The following FHIT variants were observed in gnomAD, a reference collection of about 807,000 sequenced individuals.
The protein encoded by FHIT is fragile histidine triad diadenosine triphosphatase, also known as bis(5'-adenosyl)-triphosphatase.
Under a neutral mutation model 17.9 loss-of-function variants are expected in FHIT, and 19 were observed. That is an observed-to-expected ratio of 1.06 (90% confidence interval 0.74 to 1.56). The LOEUF (loss-of-function observed/expected upper bound fraction) is 1.56. Ranked by LOEUF, FHIT falls within the 40% of genes most tolerant of loss-of-function variation. FHIT has a pLI of 0.00. For missense variants in FHIT, 248 were observed against 189.2 expected, an observed-to-expected ratio of 1.31 and a Z score of -1.82; for synonymous variants, 81 against 69.7, an observed-to-expected ratio of 1.16 and a Z score of -0.81.
At chr3:61,128,116 A>G (rs1259698190) in intron 2 of FHIT, among the ~76,000 whole-genome samples, 2 of 152,210 alleles carry the variant, frequency 1.3e-5, no homozygotes, top group Non-Finnish European at 2.9e-5. Context: ...GGATCTGAAG[A>G]GAAAAATCAG....
intron 5 of FHIT, among the ~76,000 whole-genome samples, chr3:60,498,361 A>C (rs575002336): frequency 6.6e-6 from 1 of 152,332 alleles, no homozygotes; most frequent in South Asian, 2.1e-4. Context: ...TCTTTCTGGA[A>C]GTATGTTATA....
intron 2 of FHIT, among the ~76,000 whole-genome samples, chr3:61,056,682 A>G (rs1174412186): frequency 6.6e-6 from 1 of 152,186 alleles, no homozygotes; most frequent in Non-Finnish European, 1.5e-5. Context: ...GGAAGGACAG[A>G]TGACCCACAC....
chr3:60,069,352 T>G lies in FHIT; in HGVS notation c.104-55200A>C, dbSNP rs183976313. Among the ~76,000 whole-genome samples the G allele has an allele frequency of 7.7e-4, 118 of 152,362 alleles. 1 individual carries two copies. The highest frequency in any genetic ancestry group is 2.6e-3 in the African/African-American group (107 of 41,590). Reference sequence around the variant, plus strand: ...ATGACAGTAAATTACAGGTTATGTATAGTTTAATCCCAACCTGTTACAATT... The same window carrying G: ...ATGACAGTAAATTACAGGTTATGTAGAGTTTAATCCCAACCTGTTACAATT... On this transcript the variant is annotated intron_variant, in intron 5 of 9. Transcript: ENST00000492590.
chr3:60,002,157 G>T (rs775721927), intron 7 of FHIT, among the ~76,000 whole-genome samples: 1 of 152,086 alleles, frequency 6.6e-6, no homozygotes, highest in Non-Finnish European at 1.5e-5. Context: ...TTCATGTAAC[G>T]TCAGGAACCA....
chr3:59,753,190 TAATGACAC>T (rs1248966598), intron 8 of FHIT, among the ~76,000 whole-genome samples: 1 of 152,102 alleles, frequency 6.6e-6, no homozygotes, highest in African/African-American at 2.4e-5. Context: ...AAATTTATGA[TAATGACAC>T]AAGGGCCATG....
At chr3:60,459,229 T>C (rs558593739) in intron 5 of FHIT, among the ~76,000 whole-genome samples, 6 of 152,208 alleles carry the variant, frequency 3.9e-5, no homozygotes, top group Non-Finnish European at 5.9e-5. Flanking sequence ...TAGTATATTT[T>C]AAGGGTTGAG....
intron 3 of FHIT, among the ~76,000 whole-genome samples, chr3:60,970,581 A>G (rs947858373): frequency 1.3e-5 from 2 of 151,798 alleles, no homozygotes; most frequent in East Asian, 1.9e-4. Flanking sequence ...TATATTATCC[A>G]TTTTCCCCCT....
intron 3 of FHIT, among the ~76,000 whole-genome samples, chr3:60,980,825 C>T (rs1299944514): frequency 6.6e-6 from 1 of 152,174 alleles, no homozygotes; most frequent in African/African-American, 2.4e-5. Flanking sequence ...CCTTTCTGAG[C>T]AGTTGCCAAT....
intron 5 of FHIT, among the ~76,000 whole-genome samples, chr3:60,243,759 TATA>T (rs1024688499): frequency 6.6e-6 from 1 of 152,132 alleles, no homozygotes; most frequent in Admixed American, 6.6e-5. Context: ...TACATTGTTT[TATA>T]ATATTATCCC....
chr3:59,790,382 A>G (rs533417147), intron 8 of FHIT, among the ~76,000 whole-genome samples: 5 of 152,198 alleles, frequency 3.3e-5, no homozygotes, highest in African/African-American at 1.2e-4. Flanking sequence ...AACCATTTGG[A>G]CAGTAGGAAA....
chr3:60,371,879 C>T (rs1195246154), intron 5 of FHIT, among the ~76,000 whole-genome samples: 5 of 142,978 alleles, frequency 3.5e-5, no homozygotes, highest in Non-Finnish European at 4.5e-5. Context: ...GTTTATCTAA[C>T]AGATAAATCA....
chr3:60,416,308 T>A (rs1367879732), intron 5 of FHIT, among the ~76,000 whole-genome samples: 1 of 152,192 alleles, frequency 6.6e-6, no homozygotes, highest in Admixed American at 6.5e-5. Flanking sequence ...AAAAGGGCAT[T>A]TGACAGTTTG....
At chr3:59,965,129 CAA>C (rs1707863751) in intron 7 of FHIT, among the ~76,000 whole-genome samples, 1 of 152,002 alleles carries the variant, frequency 6.6e-6, no homozygotes, top group Non-Finnish European at 1.5e-5. Flanking sequence ...AGAGAGTTAG[CAA>C]AACAATGGTT....
At chr3:60,811,832 A>T (rs1701579052) in intron 4 of FHIT, among the ~76,000 whole-genome samples, 1 of 152,176 alleles carries the variant, frequency 6.6e-6, no homozygotes, top group African/African-American at 2.4e-5. Context: ...GGGATAATAT[A>T]TATTTCTAAG....
intron 2 of FHIT, among the ~76,000 whole-genome samples, chr3:61,113,894 C>T (rs1448031389): frequency 6.6e-6 from 1 of 152,196 alleles, no homozygotes; most frequent in African/African-American, 2.4e-5. Context: ...TCCTCACCTG[C>T]AGCACACGGT....
chr3:60,938,363 G>C (rs1456172719), intron 3 of FHIT, among the ~76,000 whole-genome samples: 1 of 152,192 alleles, frequency 6.6e-6, no homozygotes, highest in Admixed American at 6.5e-5. Flanking sequence ...CCTATACCAG[G>C]CTTCAGCCCC....
intron 5 of FHIT, among the ~76,000 whole-genome samples, chr3:60,440,299 A>G (rs1445341172): frequency 6.6e-6 from 1 of 152,108 alleles, no homozygotes; most frequent in Non-Finnish European, 1.5e-5. Flanking sequence ...TGGGCTTGTT[A>G]CATTTCCATG....
intron 5 of FHIT, among the ~76,000 whole-genome samples, chr3:60,334,524 C>G (rs529883661): frequency 6.6e-6 from 1 of 152,362 alleles, no homozygotes; most frequent in South Asian, 2.1e-4. Flanking sequence ...CAGTGACTCA[C>G]ACCTGTAATC....
chr3:60,549,207 A>G (rs2036466818), intron 4 of FHIT, among the ~76,000 whole-genome samples: 2 of 152,216 alleles, frequency 1.3e-5, no homozygotes, highest in African/African-American at 4.8e-5. Flanking sequence ...TGTAATGGTT[A>G]CATAAATACA....
Sources: allele counts gnomAD v4.1 joint callset (sites outside exome capture counted in the v4.1 genomes callset), GRCh38; gene constraint gnomAD v4.1.1; transcripts MANE v1.5; gene names NCBI Gene and HGNC (gene_info 2026-07-23, HGNC 2026-07-21).